Variants in ZNF492 observed in about 807,000 individuals in gnomAD.
ZNF492 encodes the protein zinc finger protein 115 (Y20).
A neutral mutation model predicts 6.4 loss-of-function variants in ZNF492; 3 were observed. The ratio of observed to expected loss-of-function variants is 0.47; its 90% confidence interval spans 0.21 to 1.22. The LOEUF (loss-of-function observed/expected upper bound fraction) is 1.22, where lower values mean the gene tolerates loss of function less well. Ranked by LOEUF, ZNF492 falls within the 50% of genes most tolerant of loss-of-function variation. The probability of loss-of-function intolerance (pLI) is 0.22; values close to 1 mark genes in which losing one functional copy is unlikely to be tolerated. For synonymous variants in ZNF492, 112 were observed against 205.3 expected (o/e 0.55, Z 3.89); for missense variants, 356 against 612.5 (o/e 0.58, Z 4.42).
In ZNF492 at chr19:22,665,470, G is replaced by A. The variant is rs1486096858; in HGVS notation, c.*205G>A. 7 of 1,051,602 alleles carry A rather than the reference G, an allele frequency of 6.7e-6. No homozygotes were observed. Among genetic ancestry groups the A allele is most frequent in the Non-Finnish European group, 6.6e-6 (5 of 754,920 alleles). 65.1% of individuals were successfully genotyped at this position (1,051,602 alleles called of 1,614,324 possible). A position where few individuals can be genotyped will look rare whatever the true frequency, so the allele number is the denominator to read the frequency against. On this transcript the variant is annotated 3_prime_UTR_variant, in exon 4 of 4. Coordinates refer to ENST00000456783, the MANE Select transcript of ZNF492 (RefSeq NM_020855.3). ...GAAAGTAAAAAAGTGATTAATATCT[G>A]TGCACATCTTATTCAACATCAGAGT...
intron 3 of ZNF492, among the ~76,000 whole-genome samples, chr19:22,654,605 C>CTTT (rs35048607): frequency 1.3e-4 from 17 of 130,200 alleles, no homozygotes; most frequent in South Asian, 5.0e-4. Flanking sequence ...TTTTCTCTTT[C>CTTT]TTTTTTTTTT....
chr19:22,660,315 T>C (rs948251726), intron 3 of ZNF492, among the ~76,000 whole-genome samples: 1 of 152,114 alleles, frequency 6.6e-6, no homozygotes, highest in Non-Finnish European at 1.5e-5. Context: ...TTTATTTGAT[T>C]CTTGCATCTT....
intron 3 of ZNF492, among the ~76,000 whole-genome samples, chr19:22,658,598 G>A (rs1466034058): frequency 7.1e-6 from 1 of 140,394 alleles, no homozygotes; most frequent in Non-Finnish European, 1.5e-5. Context: ...ATCTGTTTGT[G>A]GCTGGCTCAT....
intron 3 of ZNF492, among the ~76,000 whole-genome samples, chr19:22,663,288 G>C (rs1274733904): frequency 1.3e-5 from 2 of 151,718 alleles, no homozygotes; most frequent in African/African-American, 4.8e-5. Flanking sequence ...CTGTTCCATT[G>C]GTCTATATAT....
At chr19:22,656,059 G>T (rs562773068) in intron 3 of ZNF492, among the ~76,000 whole-genome samples, 1 of 143,802 alleles carries the variant, frequency 7.0e-6, no homozygotes, top group Non-Finnish European at 1.5e-5. Flanking sequence ...TCCTGACCTG[G>T]TGATCCACCC....
intron 1 of ZNF492, among the ~76,000 whole-genome samples, chr19:22,647,644 G>C (rs1333837758): frequency 6.7e-6 from 1 of 149,150 alleles, no homozygotes; most frequent in Admixed American, 6.7e-5. Context: ...ATCTCCTTCA[G>C]TTCTGCTCTC....
chr19:22,651,570 C>T (rs1187649571), intron 1 of ZNF492, among the ~76,000 whole-genome samples: 1 of 152,082 alleles, frequency 6.6e-6, no homozygotes, highest in Non-Finnish European at 1.5e-5. Flanking sequence ...ATACCAGAGT[C>T]TTCTCTACAT....
At chr19:22,647,727 G>GTTTTTTTTTTTTGTTTTTTTTTT (rs1971897013) in intron 1 of ZNF492, among the ~76,000 whole-genome samples, 1 of 92,574 alleles carries the variant, frequency 1.1e-5, no homozygotes, top group Non-Finnish European at 2.1e-5. Flanking sequence ...AGCTCTTTTA[G>GTTTTTTTTTTTTGTTTTTTTTTT]TTTTTTTTTT....
chr19:22,646,324 T>C (rs1487330220), intron 1 of ZNF492, among the ~76,000 whole-genome samples: 1 of 152,210 alleles, frequency 6.6e-6, no homozygotes, highest in Non-Finnish European at 1.5e-5. Context: ...GATTGTCTGT[T>C]GTTGGCTTAT....
At position 22,666,361 on chromosome 19, in the gene ZNF492, T is replaced by C. The variant is rs1972128439; in HGVS notation, c.*1096T>C. On this transcript the variant is annotated 3_prime_UTR_variant, in exon 4 of 4. Transcript: ENST00000456783. ...GCAAACCACCATGCGTGGCTAAATTTTGTATTTTTAATAGAGCCAGGGTTT... is the reference window on the plus strand; with the variant it reads ...GCAAACCACCATGCGTGGCTAAATTCTGTATTTTTAATAGAGCCAGGGTTT... The C allele has an allele frequency of 6.6e-6, 1 of 152,068 alleles. No homozygotes were observed. Among genetic ancestry groups the C allele is most frequent in the South Asian group, 2.1e-4 (1 of 4,826 alleles). 9.4% of individuals were successfully genotyped at this position (152,068 alleles called of 1,614,324 possible).
intron 3 of ZNF492, among the ~76,000 whole-genome samples, chr19:22,655,449 TTGTAAA>T (rs1197690652): frequency 6.6e-6 from 1 of 152,166 alleles, no homozygotes; most frequent in Non-Finnish European, 1.5e-5. Flanking sequence ...TTTAGTGCTA[TTGTAAA>T]TAAGATTGCT....
chr19:22,647,727 G>GGTTTTTTTTTTTTTT (rs1971896869), intron 1 of ZNF492, among the ~76,000 whole-genome samples: 2 of 92,576 alleles, frequency 2.2e-5, no homozygotes, highest in African/African-American at 4.8e-5. Context: ...AGCTCTTTTA[G>GGTTTTTTTTTTTTTT]TTTTTTTTTT....
In ZNF492 at chr19:22,664,072, C is replaced by A. The variant is rs778106859; in HGVS notation, c.403C>A (p.His135Asn). 9.4e-6 allele frequency: 15 copies of A among 1,602,992 alleles called. No homozygotes were observed. In the East Asian group the frequency reaches 3.4e-4, roughly 36 times the overall value. Residue 135 changes from histidine to asparagine, a missense_variant, in exon 4 of 4, where the codon CAT (histidine) becomes AAT (asparagine). This residue lies in a region of ZNF492 where 196 missense variants were observed against 219.4 expected (regional missense o/e 0.89). Transcript: ENST00000456783. ...FSNSNRHTIRHTGKKSFKCKE... is the reference protein window; with the variant it reads ...FSNSNRHTIRNTGKKSFKCKE... ...AAATTCAAACAGACATACGATAAGA[C>A]ATACTGGAAAGAAATCTTTCAAATG...
chr19:22,656,640 G>C (rs533856354), intron 3 of ZNF492, among the ~76,000 whole-genome samples: 36 of 152,210 alleles, frequency 2.4e-4, no homozygotes, highest in African/African-American at 7.5e-4. Context: ...ACCTCTCCCA[G>C]ACTGTGGCTG....
At chr19:22,645,053 CT>C (rs1014245197) in intron 1 of ZNF492, among the ~76,000 whole-genome samples, 39 of 146,188 alleles carry the variant, frequency 2.7e-4, no homozygotes, top group Admixed American at 3.4e-4. Flanking sequence ...CTTTTGCCCA[CT>C]TTTTTTTTTT....
chr19:22,647,727 G>GTTTTTTTTTTTTGT (rs1971897013), intron 1 of ZNF492, among the ~76,000 whole-genome samples: 5 of 92,572 alleles, frequency 5.4e-5, no homozygotes, highest in Non-Finnish European at 8.3e-5. Flanking sequence ...AGCTCTTTTA[G>GTTTTTTTTTTTTGT]TTTTTTTTTT....
In ZNF492 at chr19:22,667,275, T is replaced by C. The variant is rs564575061; in HGVS notation, c.*2010T>C. The stretch of plus-strand genomic sequence containing the variant: ...ATAAATGGTGGTAACAATACACTAT[T>C]TGGTAAAAGAATGCACTAACATCTG... On this transcript the variant is annotated 3_prime_UTR_variant, in exon 4 of 4. Coordinates refer to ENST00000456783, the MANE Select transcript of ZNF492 (RefSeq NM_020855.3). 5.3e-5 allele frequency: 8 copies of C among 152,286 alleles called. No homozygotes were observed. The South Asian group carries it at 1.2e-3, about 24-fold the overall frequency. 9.4% of individuals were successfully genotyped at this position (152,286 alleles called of 1,614,324 possible). A position where few individuals can be genotyped will look rare whatever the true frequency, so the allele number is the denominator to read the frequency against.
rs560206540 is a variant in ZNF492 at position 22,651,065 on chromosome 19, C to T, written c.-93-2242C>T. ...GGGTTCACGAGTGAAATCTTTCAGT[C>T]TATGGGTTGCACAATTCCATGGAAA... On this transcript the variant is annotated intron_variant, in intron 1 of 3. Transcript: ENST00000456783. Among the ~76,000 whole-genome samples, 5 of 152,292 alleles carry T rather than the reference C, an allele frequency of 3.3e-5. No homozygotes were observed. The East Asian group carries it at 9.7e-4, about 29-fold the overall frequency.
intron 3 of ZNF492, 138 bp from the exon 4 acceptor site, chr19:22,663,662 T>G: frequency 2.5e-6 from 2 of 797,758 alleles, no homozygotes; most frequent in South Asian, 5.7e-5. Context: ...CTTTTATATG[T>G]CTGTGAAAAT....
Sources: allele counts gnomAD v4.1 joint callset (sites outside exome capture counted in the v4.1 genomes callset), GRCh38; gene constraint gnomAD v4.1.1; regional missense constraint gnomAD v4.1.1; transcripts MANE v1.5; gene names NCBI Gene and HGNC (gene_info 2026-07-23, HGNC 2026-07-21).